The following ZNF365 variants were observed in gnomAD, a reference collection of about 807,000 sequenced individuals.
ZNF365 encodes protein ZNF365.
A neutral mutation model predicts 35.0 loss-of-function variants in ZNF365; 22 were observed. The observed-to-expected ratio is 0.63, with a 90% CI of 0.45 to 0.90. The LOEUF (loss-of-function observed/expected upper bound fraction) is 0.90, where lower values mean the gene tolerates loss of function less well. ZNF365 is among the 40% of genes least tolerant of loss of function. The probability of loss-of-function intolerance (pLI) is 0.00; values close to 1 mark genes in which losing one functional copy is unlikely to be tolerated. For synonymous variants in ZNF365, 188 were observed against 196.2 expected (o/e 0.96, Z 0.35); for missense variants, 448 against 500.3 (o/e 0.90, Z 1.00).
At chr10:62,409,541 G>A (rs1017919965) in intron 3 of ZNF365, among the ~76,000 whole-genome samples, 1 of 152,172 alleles carries the variant, frequency 6.6e-6, no homozygotes. Flanking sequence ...GTGCATTCCA[G>A]TTGGGCTGTA....
chr10:62,425,243 C>T (rs1840233911), intron 3 of ZNF365, among the ~76,000 whole-genome samples: 1 of 152,026 alleles, frequency 6.6e-6, no homozygotes, highest in Non-Finnish European at 1.5e-5. Flanking sequence ...GACACAGAGT[C>T]TAGAAGCCAT....
At chr10:62,455,673 G>A (rs1424899160) in intron 3 of ZNF365, among the ~76,000 whole-genome samples, 1 of 151,842 alleles carries the variant, frequency 6.6e-6, no homozygotes, top group South Asian at 2.1e-4. Flanking sequence ...CTTAGAGAAG[G>A]ATAGAAAATA....
rs77457561 is a variant in ZNF365 at position 62,469,184 on chromosome 10, G to A, written c.981+9387G>A. On this transcript the variant is annotated intron_variant, in intron 4 of 4. Transcript: ENST00000395255. ...ACATCTGCCTATTATAGACTGTTTT[G>A]AGCACTTTAGTCAAACAAGGTTTTA... 9.9e-3 allele frequency among the ~76,000 whole-genome samples: 1,506 copies of A among 152,248 alleles called. 16 individuals carry two copies. The highest frequency in any genetic ancestry group is 0.015 in the Non-Finnish European group (1,042 of 68,018).
chr10:62,405,002 C>T (rs550291565), downstream of ZNF365, among the ~76,000 whole-genome samples: 1 of 152,288 alleles, frequency 6.6e-6, no homozygotes, highest in African/African-American at 2.4e-5. Flanking sequence ...GGTGGAGAAA[C>T]AGCAGTTGGG....
rs139347383 is a variant in ZNF365, at chr10:62,474,494, T to TGAGA, written c.982-5369_982-5366dup. On this transcript the variant is annotated intron_variant, in intron 4 of 4. Coordinates refer to the ZNF365 transcript ENST00000395255. The stretch of plus-strand genomic sequence containing the variant: ...TTTCGTGTGTGTGTGTTTGAAAGAA[T>TGAGA]GAGAGAGAGAGAGAGACTATTTCTG... 4.6e-5 allele frequency among the ~76,000 whole-genome samples: 7 copies of TGAGA among 151,608 alleles called. No individual in the cohort carries two copies. The East Asian group carries it at 9.7e-4, about 21-fold the overall frequency.
intron 3 of ZNF365, among the ~76,000 whole-genome samples, chr10:62,419,530 A>C (rs1840133342): frequency 6.6e-6 from 1 of 151,908 alleles, no homozygotes; most frequent in Admixed American, 6.6e-5. Flanking sequence ...GGCTTATACA[A>C]AGTCGTTTGT....
At chr10:62,477,574 A>G (rs919726708) in intron 4 of ZNF365, among the ~76,000 whole-genome samples, 4 of 152,166 alleles carry the variant, frequency 2.6e-5, no homozygotes, top group African/African-American at 9.7e-5. Context: ...AGCACCGTTT[A>G]TTGCTGTGAC....
intron 3 of ZNF365, among the ~76,000 whole-genome samples, chr10:62,393,037 CTTT>C (rs57272087): frequency 6.9e-6 from 1 of 144,984 alleles, no homozygotes. Context: ...TTCTGTTAAG[CTTT>C]TTTTTTTTTG....
At chr10:62,469,506 C>G (rs984660329) in intron 4 of ZNF365, among the ~76,000 whole-genome samples, 2 of 152,132 alleles carry the variant, frequency 1.3e-5, no homozygotes, top group Non-Finnish European at 2.9e-5. Context: ...CCATGACTTA[C>G]AAAAATGCCT....
At chr10:62,393,398 G>A (rs938405034) in intron 3 of ZNF365, among the ~76,000 whole-genome samples, 2 of 151,926 alleles carry the variant, frequency 1.3e-5, no homozygotes, top group African/African-American at 4.8e-5. Flanking sequence ...CAGTAGATTT[G>A]TTTACACCAG....
intron 3 of ZNF365, among the ~76,000 whole-genome samples, chr10:62,428,773 C>T (rs2138559): frequency 0.62 from 94,765 of 151,966 alleles, 29,742 homozygotes; most frequent in East Asian, 0.75. Flanking sequence ...TGACACTGAA[C>T]GTGGCTTGTC....
chr10:62,471,334 C>T (rs758384768), intron 4 of ZNF365, among the ~76,000 whole-genome samples: 1 of 149,240 alleles, frequency 6.7e-6, no homozygotes, highest in Non-Finnish European at 1.5e-5. Context: ...CCACTGCATT[C>T]CAGCCTGGGC....
At chr10:62,426,152 A>T (rs1441713394) in intron 3 of ZNF365, among the ~76,000 whole-genome samples, 2 of 152,008 alleles carry the variant, frequency 1.3e-5, no homozygotes, top group South Asian at 4.2e-4. Flanking sequence ...TACTAGATTG[A>T]TGATGTCACT....
At chr10:62,412,538 C>G (rs1282131208) in intron 3 of ZNF365, among the ~76,000 whole-genome samples, 1 of 152,128 alleles carries the variant, frequency 6.6e-6, no homozygotes, top group Non-Finnish European at 1.5e-5. Flanking sequence ...ATCCCATCAT[C>G]TCAGCCCAAA....
At chr10:62,404,206 C>A (rs113987593), downstream of ZNF365, among the ~76,000 whole-genome samples, 437 of 152,300 alleles carry the variant, frequency 2.9e-3, 1 homozygote, top group Non-Finnish European at 5.3e-3. Flanking sequence ...GACACTGATA[C>A]ATTTTGCATA....
At chr10:62,390,498 T>C (rs954334129) in intron 3 of ZNF365, among the ~76,000 whole-genome samples, 29 of 152,348 alleles carry the variant, frequency 1.9e-4, no homozygotes, top group Non-Finnish European at 4.0e-4. Flanking sequence ...GGCTTGAAAG[T>C]TGAACATTTT....
chr10:62,408,686 A>T (rs1308918096), intron 3 of ZNF365, among the ~76,000 whole-genome samples: 1 of 152,090 alleles, frequency 6.6e-6, no homozygotes, highest in Non-Finnish European at 1.5e-5. Context: ...CTGTTGGGGG[A>T]TATATGGGCC....
chr10:62,394,310 T>C (rs181814349), intron 3 of ZNF365, among the ~76,000 whole-genome samples: 109 of 152,320 alleles, frequency 7.2e-4, no homozygotes, highest in Middle Eastern at 3.4e-3. Flanking sequence ...CTGCGGTAGT[T>C]AGCACTATGT....
intron 4 of ZNF365, chr10:62,459,831 T>C (rs777000522): frequency 3.9e-5 from 62 of 1,582,312 alleles, no homozygotes; most frequent in Non-Finnish European, 4.9e-5. Flanking sequence ...GGGTTGGGCC[T>C]GGTTACAATA....
Sources: allele counts gnomAD v4.1 joint callset (sites outside exome capture counted in the v4.1 genomes callset), GRCh38; gene constraint gnomAD v4.1.1; transcripts MANE v1.5; gene names NCBI Gene and HGNC (gene_info 2026-07-23, HGNC 2026-07-21).